The following EXTL1 variants were observed in gnomAD, a reference collection of about 807,000 sequenced individuals.
The protein encoded by EXTL1 is exostosin like glycosyltransferase 1.
Under a neutral mutation model 64.6 loss-of-function variants are expected in EXTL1, and 43 were observed. The ratio of observed to expected loss-of-function variants is 0.67; its 90% CI spans 0.52 to 0.86. EXTL1 has a LOEUF of 0.86. EXTL1 is among the 40% of genes least tolerant of loss of function. The pLI, the probability that EXTL1 is intolerant of heterozygous loss-of-function variation, is 0.00. For synonymous variants in EXTL1, 352 were observed against 360.5 expected, an observed-to-expected ratio of 0.98 and a Z score of 0.27; for missense variants, 766 against 879.0, an observed-to-expected ratio of 0.87 and a Z score of 1.62.
Position 26,031,484 on chromosome 1 carries a change from G to GCGCC in EXTL1, c.1261_1264dup (p.Leu422ArgfsTer35). 6.3e-7 allele frequency: 1 copy of GCGCC among 1,592,564 alleles called. No homozygotes were observed. The highest frequency in any genetic ancestry group is 8.6e-7 in the Non-Finnish European group (1 of 1,169,114). The stretch of plus-strand genomic sequence containing the variant: ...GGCTCCCGCCCTGAGGGCAGATTCA[G>GCGCC]CGCCCTGATCTGGGTGGGGCCCCCA... On this transcript the variant is annotated frameshift_variant, in exon 6 of 11. Transcript: ENST00000374280. LOFTEE classifies it high-confidence loss of function.
chr1:26,031,490 T>A lies in EXTL1; in HGVS notation c.1265T>A (p.Leu422Gln). 6.3e-7 allele frequency: 1 copy of A among 1,596,100 alleles called. No homozygotes were observed. The highest frequency in any genetic ancestry group is 8.5e-7 in the Non-Finnish European group (1 of 1,171,242). ...CGCCCTGAGGGCAGATTCAGCGCCCTGATCTGGGTGGGGCCCCCAGGCCAG... is the reference window on the plus strand; with the variant it reads ...CGCCCTGAGGGCAGATTCAGCGCCCAGATCTGGGTGGGGCCCCCAGGCCAG... The part of the protein sequence containing the change: ...GSRPEGRFSA[L>Q]IWVGPPGQPP... The change falls in exon 6 of 11, where the codon CTG (leucine) becomes CAG (glutamine). Residue 422 changes from leucine (L) to glutamine (Q), a missense_variant. Transcript: ENST00000374280.
chr1:26,029,000 C>A (rs1340020743), intron 1 of EXTL1, among the ~76,000 whole-genome samples, 193 bp from the exon 2 acceptor site: 3 of 152,162 alleles, frequency 2.0e-5, no homozygotes, highest in African/African-American at 7.2e-5. Context: ...ACCACAGATG[C>A]GTGGCTGGTG....
Position 26,035,468 on chromosome 1 carries a change from C to G in EXTL1, c.*121C>G, listed in dbSNP as rs1327508146. 1.1e-6 allele frequency: 1 copy of G among 902,976 alleles called. No individual in the cohort carries two copies. The highest frequency in any genetic ancestry group is 2.9e-5 in the Admixed American group (1 of 34,074). 55.9% of individuals were successfully genotyped at this position (902,976 alleles called of 1,614,324 possible). A position where few individuals can be genotyped will look rare whatever the true frequency, so the allele number is the denominator to read the frequency against. ...CCTATCATGTCAGCCAGCGGGCCCACACGTCGGACCCCGGTTGGCCAATCA... is the reference window on the plus strand; with the variant it reads ...CCTATCATGTCAGCCAGCGGGCCCAGACGTCGGACCCCGGTTGGCCAATCA... On this transcript the variant is annotated 3_prime_UTR_variant, in exon 11 of 11. Transcript: ENST00000374280. This position sits in a 1 kb window ranked among gnomAD's most constrained non-coding sequence, Gnocchi z 5.3.
Position 26,031,189 on chromosome 1 carries a change from C to T in EXTL1, c.1159C>T (p.Pro387Ser), listed in dbSNP as rs1222567515. ...TCACCCCTCACTGCTGTGGAACAGCCCCCCAGGGGCACTCCTGGCCCTGTC... is the reference window on the plus strand; with the variant it reads ...TCACCCCTCACTGCTGTGGAACAGCTCCCCAGGGGCACTCCTGGCCCTGTC... ...SAHPSLLWNSPPGALLALSTF... is the reference protein window; with the variant it reads ...SAHPSLLWNSSPGALLALSTF... Residue 387 changes from proline (P) to serine (S), a missense_variant, in exon 5 of 11, where the codon CCC (proline) becomes TCC (serine). Coordinates refer to ENST00000374280, the MANE Select transcript of EXTL1 (RefSeq NM_004455.3). 2.5e-6 allele frequency: 4 copies of T among 1,613,878 alleles called. No homozygotes were observed. The highest frequency in any genetic ancestry group is 3.3e-5 in the Admixed American group (2 of 60,012).
Position 26,029,176 on chromosome 1 carries a change from C to G in EXTL1, c.780-17C>G. On this transcript the variant is annotated splice_polypyrimidine_tract_variant and intron_variant, in intron 1 of 10. Transcript: ENST00000374280. ...CCAGGCTCATGTGTGGTGGGACCTC[C>G]CCATGTGCCTCTTTAGGACCCAGCG... The G allele has an allele frequency of 3.1e-6, 5 of 1,599,720 alleles. No individual in the cohort carries two copies. Among genetic ancestry groups the G allele is most frequent in the Non-Finnish European group, 4.3e-6 (5 of 1,167,858 alleles).
intron 1 of EXTL1, among the ~76,000 whole-genome samples, chr1:26,027,446 T>C (rs1396577970): frequency 1.3e-5 from 2 of 152,162 alleles, no homozygotes. Flanking sequence ...CAATATAGGT[T>C]AGCTTGGATC....
chr1:26,032,527 G>A, intron 7 of EXTL1, 42 bp downstream of exon 7: 1 of 1,457,528 alleles, frequency 6.9e-7, no homozygotes, highest in Non-Finnish European at 9.4e-7. Context: ...GGCCCATGCT[G>A]GGAGCTGGGG....
chr1:26,029,978 A>G (rs1026092385), intron 3 of EXTL1, among the ~76,000 whole-genome samples: 1 of 152,128 alleles, frequency 6.6e-6, no homozygotes, highest in African/African-American at 2.4e-5. Flanking sequence ...GACAATCCCC[A>G]TGGGCCCAGC....
Position 26,029,255 on chromosome 1 carries a change from A to G in EXTL1, c.842A>G (p.Glu281Gly). 6.2e-7 allele frequency: 1 copy of G among 1,613,816 alleles called. No individual in the cohort carries two copies. The highest frequency in any genetic ancestry group is 8.5e-7 in the Non-Finnish European group (1 of 1,179,882). The change falls in exon 2 of 11, where the codon GAG (glutamate) becomes GGG (glycine). Residue 281 changes from glutamate to glycine, a missense_variant. By Grantham distance (98) the Glu-to-Gly change is moderately conservative. Coordinates refer to ENST00000374280, the MANE Select transcript of EXTL1 (RefSeq NM_004455.3). ...TGCCTCATCTCTGGCCACCGTCCCGAGGCTGCCTCGCGCTTCCTCCAAGCC... is the reference window on the plus strand; with the variant it reads ...TGCCTCATCTCTGGCCACCGTCCCGGGGCTGCCTCGCGCTTCCTCCAAGCC... Reference protein sequence around the residue: ...TFCLISGHRPEAASRFLQALQ... With the variant: ...TFCLISGHRPGAASRFLQALQ...
chr1:26,028,308 C>A (rs903155220), intron 1 of EXTL1, among the ~76,000 whole-genome samples: 1 of 152,226 alleles, frequency 6.6e-6, no homozygotes, highest in African/African-American at 2.4e-5. Context: ...CTCAGTTTCC[C>A]CATCTGTTCA....
At position 26,022,608 on chromosome 1, in the gene EXTL1, G is replaced by T. The variant is rs371156654; in HGVS notation, c.-39G>T. 83 of 1,519,906 alleles carry T rather than the reference G, an allele frequency of 5.5e-5. No homozygotes were observed. Among genetic ancestry groups the T allele is most frequent in the Non-Finnish European group, 6.2e-5 (70 of 1,129,914 alleles). 94.2% of individuals were successfully genotyped at this position (1,519,906 alleles called of 1,614,324 possible). A position where few individuals can be genotyped will look rare whatever the true frequency, so the allele number is the denominator to read the frequency against. Reference sequence around the variant, plus strand: ...CCTGCTCTTCCTGCTTGCTGGCAGAGGCCTCCCAGCTTCCCTAGCCCTGAC... The same window carrying T: ...CCTGCTCTTCCTGCTTGCTGGCAGATGCCTCCCAGCTTCCCTAGCCCTGAC... On this transcript the variant is annotated 5_prime_UTR_variant, in exon 1 of 11. In the 5' UTR this introduces an upstream ATG that the reference lacks. Coordinates refer to ENST00000374280, the MANE Select transcript of EXTL1 (RefSeq NM_004455.3).
chr1:26,030,330 CTTTT>C (rs1213800896), intron 3 of EXTL1, 142 bp from the exon 4 acceptor site: 2,100 of 379,054 alleles, frequency 5.5e-3, no homozygotes, highest in Middle Eastern at 7.5e-3. Context: ...CTGAATGCTT[CTTTT>C]TTTTTTTTTT....
At chr1:26,023,721 C>A (rs547545699) in intron 1 of EXTL1, among the ~76,000 whole-genome samples, 1 of 152,256 alleles carries the variant, frequency 6.6e-6, no homozygotes, top group South Asian at 2.1e-4. Context: ...TTTTTCCCCA[C>A]ATACAGTTGT....
intron 2 of EXTL1, 45 bp from the exon 3 acceptor site, chr1:26,029,555 G>T (rs754615875): frequency 2.9e-5 from 35 of 1,190,004 alleles, no homozygotes; most frequent in Non-Finnish European, 4.0e-5. Context: ...GGGTGAGTAT[G>T]TGCAGGGTGG....
Position 26,034,001 on chromosome 1 carries a change from C to A in EXTL1, c.1679+145C>A, listed in dbSNP as rs2050314287. 1.5e-6 allele frequency: 1 copy of A among 686,304 alleles called. No individual in the cohort carries two copies. Among genetic ancestry groups the A allele is most frequent in the East Asian group, 3.0e-5 (1 of 32,932 alleles). The allele number at this position is 686,304 out of a possible 1,614,324, so 42.5% of individuals were successfully genotyped here. A position where few individuals can be genotyped will look rare whatever the true frequency, so the allele number is the denominator to read the frequency against. On this transcript the variant is annotated intron_variant, in intron 9 of 10. Coordinates refer to ENST00000374280, the MANE Select transcript of EXTL1 (RefSeq NM_004455.3). The surrounding 1 kb of genome is among the most constrained non-coding windows in gnomAD (Gnocchi z 4.6). ...CACTTCCCAGCTGTGGGATCCTGGG[C>A]AAATCTCCTCACTTCTCTAGAGTTT...
At position 26,033,968 on chromosome 1, in the gene EXTL1, A is replaced by G; in HGVS notation, c.1679+112A>G. ...CCCCAGGGATCCAGGTTCAAGGCCG[A>G]GATCTGCCACTTCCCAGCTGTGGGA... On this transcript the variant is annotated intron_variant, in intron 9 of 10. Coordinates refer to ENST00000374280, the MANE Select transcript of EXTL1 (RefSeq NM_004455.3). This position sits in a 1 kb window ranked among gnomAD's most constrained non-coding sequence, Gnocchi z 5.1. The G allele has an allele frequency of 1.1e-6, 1 of 913,734 alleles. No individual in the cohort carries two copies. 56.6% of individuals were successfully genotyped at this position (913,734 alleles called of 1,614,324 possible). A position where few individuals can be genotyped will look rare whatever the true frequency, so the allele number is the denominator to read the frequency against.
chr1:26,032,543 C>A, intron 7 of EXTL1, 58 bp downstream of exon 7: 1 of 1,353,992 alleles, frequency 7.4e-7, no homozygotes, highest in Non-Finnish European at 1.0e-6. Context: ...TGGGGGAGGG[C>A]ACCCATGGGG....
In EXTL1 at chr1:26,036,402, G is replaced by A. The variant is rs2050341438; in HGVS notation, c.*1055G>A. The stretch of plus-strand genomic sequence containing the variant: ...GTCCTCCGGGGTTCACCCACCTGGA[G>A]CTGGAATTATCACTTCCGAAATAAA... On this transcript the variant is annotated 3_prime_UTR_variant, in exon 11 of 11. Coordinates refer to ENST00000374280, the MANE Select transcript of EXTL1 (RefSeq NM_004455.3). This position sits in a 1 kb window ranked among gnomAD's most constrained non-coding sequence, Gnocchi z 5.2. 1 of 152,272 alleles carries A rather than the reference G, an allele frequency of 6.6e-6. No homozygotes were observed. Among genetic ancestry groups the A allele is most frequent in the South Asian group, 2.1e-4 (1 of 4,824 alleles). The allele number at this position is 152,272 out of a possible 1,614,324, so 9.4% of individuals were successfully genotyped here.
At position 26,033,389 on chromosome 1, in the gene EXTL1, C is replaced by A; in HGVS notation, c.1518+74C>A. On this transcript the variant is annotated intron_variant, in intron 8 of 10. Transcript: ENST00000374280. The surrounding 1 kb of genome is among the most constrained non-coding windows in gnomAD (Gnocchi z 5.1). ...GAGGGCCCTGGCAGCCCCTCAGGTT[C>A]CCAGGGTTGAGGGGACCCCAGGTCA... 7.4e-7 allele frequency: 1 copy of A among 1,354,286 alleles called. No individual in the cohort carries two copies. The highest frequency in any genetic ancestry group is 1.2e-5 in the South Asian group (1 of 85,622). The allele number at this position is 1,354,286 out of a possible 1,614,324, so 83.9% of individuals were successfully genotyped here.
Sources: gnomAD v4.1 joint callset for allele counts (sites outside exome capture counted in the v4.1 genomes callset) on GRCh38, gnomAD v4.1.1 for gene constraint, Gnocchi (gnomAD v3.1) non-coding constraint, MANE v1.5 for transcripts, NCBI Gene and HGNC (gene_info 2026-07-23, HGNC 2026-07-21) for gene names.